Variants in IL12RB2 observed in about 807,000 individuals in gnomAD.
IL12RB2 encodes interleukin 12 receptor subunit beta 2, also known as interleukin-12 receptor subunit beta-2.
Under a neutral mutation model 89.4 loss-of-function variants are expected in IL12RB2, and 82 were observed. The observed-to-expected ratio is 0.92, with a 90% CI of 0.77 to 1.10. IL12RB2 has a LOEUF of 1.10. IL12RB2 is among the 50% of genes least tolerant of loss of function. The pLI is 0.00. For synonymous variants in IL12RB2, 368 were observed against 370.1 expected (o/e 0.99, Z 0.07); for missense variants, 963 against 1,031.9 (o/e 0.93, Z 0.92).
At chr1:67,380,698 G>A (rs995639632) in intron 14 of IL12RB2, among the ~76,000 whole-genome samples, 2 of 152,148 alleles carry the variant, frequency 1.3e-5, no homozygotes, top group African/African-American at 4.8e-5. Flanking sequence ...CCAAAATCAA[G>A]GTGTCAGCAG....
At chr1:67,364,774 A>T (rs1256962543) in intron 10 of IL12RB2, among the ~76,000 whole-genome samples, 1 of 152,254 alleles carries the variant, frequency 6.6e-6, no homozygotes, top group Non-Finnish European at 1.5e-5. Flanking sequence ...CATTAAAGAC[A>T]TAGTTGAACT....
At position 67,321,796 on chromosome 1, in the gene IL12RB2, G is replaced by C. The variant is rs933815615; in HGVS notation, c.271G>C (p.Gly91Arg). 4 of 1,611,616 alleles carry C rather than the reference G, an allele frequency of 2.5e-6. No homozygotes were observed. Among genetic ancestry groups the C allele is most frequent in the African/African-American group, 1.3e-5 (1 of 74,872 alleles). ...CCACTCCCTCAATTCTCAAGTCACA[G>C]GTCTTCCCCTTGGTACAACCTTGTT... is the stretch of plus-strand genomic sequence containing the variant. ...HGHSLNSQVT[G>R]LPLGTTLFVC... The change falls in exon 4 of 17, where the codon GGT becomes CGT. Residue 91 changes from glycine to arginine, a missense_variant. Gly to Arg is a moderately radical substitution (Grantham distance 125). Transcript: ENST00000674203.
intron 2 of IL12RB2, among the ~76,000 whole-genome samples, chr1:67,317,901 A>G (rs971549140): frequency 1.3e-5 from 2 of 152,214 alleles, no homozygotes; most frequent in African/African-American, 4.8e-5. Context: ...AATTAAGTAA[A>G]GGAATAAGGC....
chr1:67,319,517 G>A (rs1656216287), intron 2 of IL12RB2, among the ~76,000 whole-genome samples: 1 of 152,208 alleles, frequency 6.6e-6, no homozygotes, highest in African/African-American at 2.4e-5. Context: ...GATGGGTTAT[G>A]AGCCATTTTT....
Position 67,386,588 on chromosome 1 carries a change from A to G in IL12RB2, c.1865A>G (p.Asn622Ser), listed in dbSNP as rs748153360. 3.1e-6 allele frequency: 5 copies of G among 1,612,268 alleles called. No homozygotes were observed. In the African/African-American group the frequency reaches 4.0e-5, roughly 13 times the overall value. ...TTTCCTAACTTTTCAGGTAAAGCCA[A>G]TTGGATGGCGTTTGTGGCACCAAGC... ...EREFCLQGKA[N>S]WMAFVAPSIC... Residue 622 changes from asparagine to serine, a missense_variant, in exon 15 of 17, where the codon AAT (asparagine) becomes AGT (serine). Coordinates refer to ENST00000674203, the MANE Select transcript of IL12RB2 (RefSeq NM_001374259.2).
chr1:67,315,220 C>A (rs1161173514), intron 2 of IL12RB2, among the ~76,000 whole-genome samples: 5 of 151,814 alleles, frequency 3.3e-5, no homozygotes. Context: ...TATATTTTAA[C>A]CTATTTAATA....
intron 9 of IL12RB2, among the ~76,000 whole-genome samples, chr1:67,350,598 C>T (rs1660720437): frequency 1.3e-5 from 2 of 152,188 alleles, no homozygotes; most frequent in South Asian, 4.1e-4. Context: ...AAGTTGTCTA[C>T]TATTAGTAAG....
chr1:67,360,795 CAA>C (rs112229362), intron 10 of IL12RB2, among the ~76,000 whole-genome samples: 25 of 130,184 alleles, frequency 1.9e-4, no homozygotes, highest in Non-Finnish European at 2.4e-4. Flanking sequence ...AACTCCGTCT[CAA>C]AAAAAAAAAA....
intron 9 of IL12RB2, among the ~76,000 whole-genome samples, chr1:67,340,729 A>T (rs1466878492): frequency 6.6e-6 from 1 of 152,354 alleles, no homozygotes; most frequent in East Asian, 1.9e-4. Flanking sequence ...GTTCTCTGAA[A>T]CCAGCACCAG....
chr1:67,319,176 G>A (rs1054416343), intron 2 of IL12RB2, among the ~76,000 whole-genome samples: 1 of 152,188 alleles, frequency 6.6e-6, no homozygotes, highest in Non-Finnish European at 1.5e-5. Context: ...ATATGTCTAG[G>A]TATGGGGTTA....
chr1:67,380,131 G>A lies in IL12RB2; in HGVS notation c.1855+8G>A, dbSNP rs944314162. On this transcript the variant is annotated splice_region_variant and intron_variant, in intron 14 of 16. Coordinates refer to ENST00000674203, the MANE Select transcript of IL12RB2 (RefSeq NM_001374259.2). ...GGGAATTTTGTCTGCAAGGTGAGAG[G>A]CAGTGTTAAGGATGATGAGTCCACC... is the stretch of plus-strand genomic sequence containing the variant. 1.1e-5 allele frequency: 17 copies of A among 1,613,930 alleles called. No individual in the cohort carries two copies. In the African/African-American group the frequency reaches 2.1e-4, roughly 20 times the overall value.
At chr1:67,346,405 T>G (rs3977727) in intron 9 of IL12RB2, among the ~76,000 whole-genome samples, 87,217 of 127,796 alleles carry the variant, frequency 0.68, 32,207 homozygotes, top group South Asian at 0.85. Flanking sequence ...TTTTTTTTTT[T>G]CGACAGGTTC....
chr1:67,309,928 A>T (rs573934458), intron 1 of IL12RB2, among the ~76,000 whole-genome samples: 30 of 152,268 alleles, frequency 2.0e-4, no homozygotes, highest in Non-Finnish European at 4.1e-4. Context: ...TAATCCCAGC[A>T]CTTTGGGAGG....
chr1:67,346,673 A>G (rs1393480678), intron 9 of IL12RB2, among the ~76,000 whole-genome samples: 1 of 152,190 alleles, frequency 6.6e-6, no homozygotes, highest in African/African-American at 2.4e-5. Flanking sequence ...GGTGTGAGCC[A>G]CCGCGCACGG....
chr1:67,342,024 G>A (rs564069850), intron 9 of IL12RB2, among the ~76,000 whole-genome samples: 2 of 152,228 alleles, frequency 1.3e-5, no homozygotes, highest in Admixed American at 6.5e-5. Context: ...CCTCTAATAG[G>A]GATTCCTCAT....
At chr1:67,341,934 TA>T (rs1659675190) in intron 9 of IL12RB2, among the ~76,000 whole-genome samples, 1 of 147,538 alleles carries the variant, frequency 6.8e-6, no homozygotes, top group African/African-American at 2.4e-5. Flanking sequence ...CCCCACAGTT[TA>T]AAACATGGAA....
At position 67,379,152 on chromosome 1, in the gene IL12RB2, G is replaced by A. The variant is rs549547386; in HGVS notation, c.1718-834G>A. ...GCGGAGGTTACAGTGAGCCAAGATC[G>A]TGCCACTGCACTCTAGCCTGGGCGA... On this transcript the variant is annotated intron_variant, in intron 13 of 16. Transcript: ENST00000674203. Among the ~76,000 whole-genome samples the A allele has an allele frequency of 5.7e-4, 87 of 151,614 alleles. 1 individual carries two copies. The highest frequency in any genetic ancestry group is 5.9e-4 in the Admixed American group (9 of 15,180).
chr1:67,320,194 G>A, intron 2 of IL12RB2, 139 bp from the exon 3 acceptor site: 4 of 1,343,882 alleles, frequency 3.0e-6, no homozygotes, highest in Non-Finnish European at 4.1e-6. Context: ...AGTTTTAAAG[G>A]TACATGTCAT....
intron 9 of IL12RB2, among the ~76,000 whole-genome samples, chr1:67,344,921 G>A (rs1019089717): frequency 8.5e-5 from 13 of 152,160 alleles, no homozygotes; most frequent in Non-Finnish European, 4.4e-5. Context: ...GGTGGCTCAT[G>A]CCTGTAATCT....
Sources: gnomAD v4.1 joint callset for allele counts (sites outside exome capture counted in the v4.1 genomes callset) on GRCh38, gnomAD v4.1.1 for gene constraint, MANE v1.5 for transcripts, NCBI Gene and HGNC (gene_info 2026-07-23, HGNC 2026-07-21) for gene names.